Variants in KLF17 observed in about 807,000 individuals in gnomAD.
The protein encoded by KLF17 is Krueppel-like factor 17.
In KLF17, 31 loss-of-function variants were observed where a neutral mutation model predicts 34.2. That is an observed-to-expected ratio of 0.91 (90% CI 0.68 to 1.22). The LOEUF (loss-of-function observed/expected upper bound fraction) is 1.22. Among genes scored for constraint, KLF17 ranks in the 50% most tolerant of loss-of-function variants. KLF17 has a pLI of 0.00. For synonymous variants in KLF17, 179 were observed against 186.7 expected, an observed-to-expected ratio of 0.96 and a Z score of 0.34; for missense variants, 478 against 505.2, an observed-to-expected ratio of 0.95 and a Z score of 0.52.
the KLF17 span, among the ~76,000 whole-genome samples, chr1:44,082,801 G>A: frequency 6.6e-6 from 1 of 152,048 alleles, no homozygotes; most frequent in Non-Finnish European, 1.5e-5. Flanking sequence ...CCTTAGAAAC[G>A]CGACCCCAAA....
intron 1 of KLF17, chr1:44,122,562 A>C: frequency 2.6e-6 from 2 of 769,640 alleles, no homozygotes. Flanking sequence ...GAATCCAACA[A>C]CCGAATACTG....
chr1:44,125,061 A>G (rs2087992332), intron 1 of KLF17, among the ~76,000 whole-genome samples: 1 of 152,234 alleles, frequency 6.6e-6, no homozygotes. Context: ...GGAGTTATAT[A>G]TCAAAGTTAA....
At chr1:44,101,512 C>T in the KLF17 span, 5 of 152,018 alleles carry the variant, frequency 3.3e-5, no homozygotes, top group African/African-American at 4.8e-5. Context: ...AATTTGGGTT[C>T]GTTTGATGTT....
upstream of KLF17, chr1:44,114,399 G>A (rs1331141809): frequency 6.6e-6 from 1 of 152,224 alleles, no homozygotes; most frequent in African/African-American, 2.4e-5. Flanking sequence ...GTTCCCAGTA[G>A]TCCTTGCAGT....
upstream of KLF17, chr1:44,116,060 T>C (rs2087876846): frequency 6.6e-6 from 1 of 152,200 alleles, no homozygotes; most frequent in Non-Finnish European, 1.5e-5. Context: ...AAAAATGATC[T>C]GCTCTGTGTG....
chr1:44,060,015 G>T, the KLF17 span, among the ~76,000 whole-genome samples: 1 of 151,976 alleles, frequency 6.6e-6, no homozygotes, highest in African/African-American at 2.4e-5. Flanking sequence ...ACCCAACTTG[G>T]CAGCCAAGGA....
Position 44,133,416 on chromosome 1 carries a change from G to C in KLF17, c.*179G>C, listed in dbSNP as rs1441436193. 1 of 152,266 alleles carries C rather than the reference G, an allele frequency of 6.6e-6. No homozygotes were observed. The highest frequency in any genetic ancestry group is 1.5e-5 in the Non-Finnish European group (1 of 68,102). 9.4% of individuals were successfully genotyped at this position (152,266 alleles called of 1,614,324 possible). A position where few individuals can be genotyped will look rare whatever the true frequency, so the allele number is the denominator to read the frequency against. On this transcript the variant is annotated 3_prime_UTR_variant, in exon 4 of 4. Transcript: ENST00000372299. Reference sequence around the variant, plus strand: ...GAGCATGGAGTTAACTAAAGGATGTGTCAGGGAAGAAAGACTTCTCAAGGA... The same window carrying C: ...GAGCATGGAGTTAACTAAAGGATGTCTCAGGGAAGAAAGACTTCTCAAGGA...
intron 1 of KLF17, among the ~76,000 whole-genome samples, chr1:44,121,035 C>T (rs1571984284): frequency 6.6e-6 from 1 of 152,256 alleles, no homozygotes; most frequent in African/African-American, 2.4e-5. Flanking sequence ...ATCTTCCCAA[C>T]TCTTCTAGAG....
chr1:44,087,761 TATATATATACACACAC>T, the KLF17 span, among the ~76,000 whole-genome samples: 26 of 56,430 alleles, frequency 4.6e-4, no homozygotes, highest in African/African-American at 1.4e-3. Flanking sequence ...TATATATATA[TATATATATACACACAC>T]ACACACACAC....
At chr1:44,116,712 G>A (rs2087882539), upstream of KLF17, among the ~76,000 whole-genome samples, 1 of 152,150 alleles carries the variant, frequency 6.6e-6, no homozygotes, top group African/African-American at 2.4e-5. Context: ...TTCTTTGGAT[G>A]ACTTTGCTGT....
chr1:44,119,012 C>G, intron 1 of KLF17, 24 bp downstream of exon 1: 2 of 1,583,584 alleles, frequency 1.3e-6, no homozygotes, highest in Non-Finnish European at 1.7e-6. Context: ...CAGCCCCTGG[C>G]AGGCCGGGCG....
the KLF17 span, among the ~76,000 whole-genome samples, chr1:44,080,951 G>A: frequency 6.6e-6 from 1 of 151,782 alleles, no homozygotes; most frequent in Non-Finnish European, 1.5e-5. Flanking sequence ...CTGGACTGAA[G>A]CAATCCACCC....
At chr1:44,087,296 C>G in the KLF17 span, among the ~76,000 whole-genome samples, 2 of 151,752 alleles carry the variant, frequency 1.3e-5, no homozygotes, top group African/African-American at 4.8e-5. Flanking sequence ...GCTCTGTCAC[C>G]CAGGCTGTAT....
the KLF17 span, among the ~76,000 whole-genome samples, chr1:44,090,782 G>A: frequency 6.6e-6 from 1 of 152,110 alleles, no homozygotes; most frequent in African/African-American, 2.4e-5. Context: ...ATTAGGTGGT[G>A]AAGGGGAAAA....
At chr1:44,095,084 G>A in the KLF17 span, among the ~76,000 whole-genome samples, 21 of 151,686 alleles carry the variant, frequency 1.4e-4, no homozygotes, top group Middle Eastern at 3.4e-3. Context: ...TGTATTTTTA[G>A]TAGAGACTGG....
intron 1 of KLF17, among the ~76,000 whole-genome samples, chr1:44,123,943 G>A (rs12068096): frequency 0.25 from 38,392 of 151,336 alleles, 5,161 homozygotes; most frequent in Non-Finnish European, 0.3. Flanking sequence ...TTCTAAAAGC[G>A]GCAAGAGAAA....
At chr1:44,103,651 C>T in the KLF17 span, 4 of 1,610,348 alleles carry the variant, frequency 2.5e-6, no homozygotes, top group Non-Finnish European at 3.4e-6. Context: ...TTCATCAGCT[C>T]CTAGTACTCA....
At chr1:44,088,429 A>G in the KLF17 span, 3 of 152,372 alleles carry the variant, frequency 2.0e-5, no homozygotes, top group African/African-American at 7.2e-5. Context: ...TAGGCTATTT[A>G]GATGAATTCT....
the KLF17 span, among the ~76,000 whole-genome samples, chr1:44,098,574 T>C: frequency 0.3 from 40,439 of 134,918 alleles, 6,740 homozygotes; most frequent in South Asian, 0.35. Context: ...TTTCTGAGAC[T>C]GAGTCTCGTC....
Sources: gnomAD v4.1 joint callset for allele counts (sites outside exome capture counted in the v4.1 genomes callset) on GRCh38, gnomAD v4.1.1 for gene constraint, MANE v1.5 for transcripts, NCBI Gene and HGNC (gene_info 2026-07-23, HGNC 2026-07-21) for gene names.